The following DENND1B variants were observed in gnomAD, a reference collection of about 807,000 sequenced individuals.
The protein encoded by DENND1B is DENN domain containing 1B, also known as DENN domain-containing protein 1B.
DENND1B carries 59 observed loss-of-function variants against 90.1 expected under a neutral mutation model. That is an observed-to-expected ratio of 0.65 (90% CI 0.53 to 0.81). The LOEUF is 0.81. Ranked by LOEUF, DENND1B falls within the 40% of genes least tolerant of loss-of-function variation. DENND1B has a pLI of 0.00. For missense variants in DENND1B, 862 were observed against 912.6 expected (o/e 0.94, Z 0.71); for synonymous variants, 337 against 324.6 (o/e 1.04, Z -0.41).
intron 2 of DENND1B, among the ~76,000 whole-genome samples, chr1:197,725,836 A>G (rs1370580003): frequency 1.3e-5 from 2 of 152,096 alleles, no homozygotes; most frequent in Admixed American, 1.3e-4. Flanking sequence ...ATGCTCTGAC[A>G]TATTTTAACA....
At chr1:197,755,323 T>C (rs535686726) in intron 2 of DENND1B, among the ~76,000 whole-genome samples, 6 of 152,172 alleles carry the variant, frequency 3.9e-5, no homozygotes, top group African/African-American at 1.4e-4. Context: ...AATAAATAAT[T>C]CATATGAAAA....
intron 15 of DENND1B, among the ~76,000 whole-genome samples, chr1:197,570,493 T>G (rs1673055151): frequency 6.6e-6 from 1 of 152,128 alleles, no homozygotes; most frequent in Non-Finnish European, 1.5e-5. Flanking sequence ...GAAACAAAAC[T>G]AAGATTTTTC....
intron 2 of DENND1B, among the ~76,000 whole-genome samples, chr1:197,770,606 G>A (rs989232002): frequency 7.0e-6 from 1 of 142,682 alleles, no homozygotes; most frequent in African/African-American, 2.6e-5. Flanking sequence ...GTGTGTGTGT[G>A]TATATATATC....
chr1:197,600,012 T>C (rs905107931), intron 13 of DENND1B, among the ~76,000 whole-genome samples: 1 of 151,814 alleles, frequency 6.6e-6, no homozygotes, highest in Admixed American at 6.6e-5. Flanking sequence ...TTAACCAACC[T>C]CTTCCCCACA....
At chr1:197,682,571 T>C (rs945973446) in intron 3 of DENND1B, among the ~76,000 whole-genome samples, 3 of 151,772 alleles carry the variant, frequency 2.0e-5, no homozygotes, top group Non-Finnish European at 2.9e-5. Flanking sequence ...GGTAGGAAAA[T>C]TGAAAAATAG....
At chr1:197,594,471 TAGC>T (rs1381526487) in intron 14 of DENND1B, among the ~76,000 whole-genome samples, 3 of 152,194 alleles carry the variant, frequency 2.0e-5, no homozygotes, top group African/African-American at 4.8e-5. Context: ...TCCTATTAGA[TAGC>T]AGGTCTTCTT....
At position 197,690,460 on chromosome 1, in the gene DENND1B, G is replaced by A. The variant is rs932526059; in HGVS notation, c.127-16291C>T. The stretch of plus-strand genomic sequence containing the variant: ...CTTGAAATCTAGTGATGCTGCCATC[G>A]TTCAGATGGTTGCTGGAGTGTTGAG... On this transcript the variant is annotated intron_variant, in intron 3 of 22. Coordinates refer to ENST00000620048, the MANE Select transcript of DENND1B (RefSeq NM_001195215.2). 4.1e-5 allele frequency: 7 copies of A among 169,686 alleles called. No homozygotes were observed. The South Asian group carries it at 5.4e-4, about 13-fold the overall frequency. The allele number at this position is 169,686 out of a possible 1,614,324, so 10.5% of individuals were successfully genotyped here. A position where few individuals can be genotyped will look rare whatever the true frequency, so the allele number is the denominator to read the frequency against.
At chr1:197,661,103 G>T (rs1654365021) in intron 5 of DENND1B, among the ~76,000 whole-genome samples, 1 of 151,912 alleles carries the variant, frequency 6.6e-6, no homozygotes, top group African/African-American at 2.4e-5. Context: ...AGTTTTTGGG[G>T]AATCTAAAAA....
intron 2 of DENND1B, among the ~76,000 whole-genome samples, chr1:197,733,275 A>C (rs889260474): frequency 2.0e-5 from 3 of 151,992 alleles, no homozygotes; most frequent in Non-Finnish European, 4.4e-5. Flanking sequence ...AATAAGCACA[A>C]AAAAAAATTA....
intron 10 of DENND1B, among the ~76,000 whole-genome samples, chr1:197,626,649 T>C (rs1447712342): frequency 1.3e-5 from 2 of 151,828 alleles, no homozygotes; most frequent in Admixed American, 1.3e-4. Flanking sequence ...ATTCAAAAAC[T>C]AGCAAAAGGC....
At chr1:197,513,274 A>T (rs1668164708) in intron 20 of DENND1B, among the ~76,000 whole-genome samples, 1 of 151,432 alleles carries the variant, frequency 6.6e-6, no homozygotes, top group Non-Finnish European at 1.5e-5. Context: ...ACTCAATTAT[A>T]CCCTCATGCA....
intron 2 of DENND1B, chr1:197,735,320 GT>G: frequency 7.9e-7 from 1 of 1,262,812 alleles, no homozygotes; most frequent in South Asian, 1.7e-5. Context: ...GCTTCAAGTG[GT>G]TTTATTTCCT....
chr1:197,648,172 G>A (rs78645630), intron 7 of DENND1B, among the ~76,000 whole-genome samples: 5,163 of 152,126 alleles, frequency 0.034, 302 homozygotes, highest in African/African-American at 0.11. Flanking sequence ...ACTTCAATTT[G>A]CTACCAACCA....
At chr1:197,774,631 G>GAATC (rs775099595) in intron 1 of DENND1B, 3 of 152,526 alleles carry the variant, frequency 2.0e-5, no homozygotes, top group Non-Finnish European at 2.9e-5. Context: ...TTTATAAGCA[G>GAATC]AATCATAAGA....
intron 3 of DENND1B, among the ~76,000 whole-genome samples, chr1:197,677,875 C>T (rs1365588047): frequency 6.6e-6 from 1 of 152,164 alleles, no homozygotes; most frequent in Non-Finnish European, 1.5e-5. Context: ...TCCTGCCCTG[C>T]TGGGCTAAAT....
At chr1:197,567,588 A>G (rs891718811) in intron 15 of DENND1B, among the ~76,000 whole-genome samples, 3 of 152,166 alleles carry the variant, frequency 2.0e-5, no homozygotes, top group Admixed American at 6.5e-5. Context: ...AAAAATCTTC[A>G]ACAAAATACT....
At chr1:197,763,902 A>G (rs547814966) in intron 2 of DENND1B, among the ~76,000 whole-genome samples, 1 of 152,316 alleles carries the variant, frequency 6.6e-6, no homozygotes, top group African/African-American at 2.4e-5. Flanking sequence ...TGCCATCTCA[A>G]TTGCATTTCA....
At chr1:197,695,375 A>G (rs1261282029) in intron 3 of DENND1B, among the ~76,000 whole-genome samples, 1 of 151,072 alleles carries the variant, frequency 6.6e-6, no homozygotes, top group East Asian at 1.9e-4. Flanking sequence ...AATAATTGCT[A>G]TTTTAGCATT....
chr1:197,510,345 G>T lies in DENND1B; in HGVS notation c.*115C>A. On this transcript the variant is annotated 3_prime_UTR_variant, in exon 23 of 23. Coordinates refer to ENST00000620048, the MANE Select transcript of DENND1B (RefSeq NM_001195215.2). ...GAAATGAACAAGTGAGAAAAATGTT[G>T]CAAATGCAAAAAAAAATTTAAATAG... is the stretch of plus-strand genomic sequence containing the variant. The T allele has an allele frequency of 1.7e-6, 2 of 1,191,534 alleles. No individual in the cohort carries two copies. Among genetic ancestry groups the T allele is most frequent in the Non-Finnish European group, 2.3e-6 (2 of 877,062 alleles). 73.8% of individuals were successfully genotyped at this position (1,191,534 alleles called of 1,614,324 possible).
Sources: allele counts gnomAD v4.1 joint callset (sites outside exome capture counted in the v4.1 genomes callset), GRCh38; gene constraint gnomAD v4.1.1; transcripts MANE v1.5; gene names NCBI Gene and HGNC (gene_info 2026-07-23, HGNC 2026-07-21).